Variants in CEP112 observed in about 807,000 individuals in gnomAD.
CEP112 encodes centrosomal protein of 112 kDa.
CEP112 carries 127 observed loss-of-function variants against 153.0 expected under a neutral mutation model. The observed-to-expected ratio is 0.83, with a 90% CI of 0.72 to 0.96. The LOEUF (loss-of-function observed/expected upper bound fraction) is 0.96. CEP112 is among the 40% of genes least tolerant of loss of function. The pLI, the probability that CEP112 is intolerant of heterozygous loss-of-function variation, is 0.00. For synonymous variants in CEP112, 358 were observed against 374.4 expected (o/e 0.96, Z 0.51); for missense variants, 1,089 against 1,101.2 (o/e 0.99, Z 0.16).
chr17:66,174,948 T>G (rs1193905534), intron 4 of CEP112, 96 bp downstream of exon 4: 1 of 804,822 alleles, frequency 1.2e-6, no homozygotes, highest in African/African-American at 1.8e-5. Context: ...GTAAACTACT[T>G]CCATTATAAA....
At chr17:65,672,685 A>G (rs563241747) in intron 24 of CEP112, among the ~76,000 whole-genome samples, 1 of 152,294 alleles carries the variant, frequency 6.6e-6, no homozygotes, top group Non-Finnish European at 1.5e-5. Flanking sequence ...GAAGTGGCAG[A>G]GCTGAGATCT....
chr17:66,117,577 T>C (rs950125350), intron 6 of CEP112, among the ~76,000 whole-genome samples: 2 of 152,202 alleles, frequency 1.3e-5, no homozygotes, highest in Non-Finnish European at 2.9e-5. Flanking sequence ...AACAGTTCTG[T>C]TGGTGAAACA....
intron 17 of CEP112, among the ~76,000 whole-genome samples, chr17:65,969,992 TAC>T (rs1167449358): frequency 8.5e-5 from 13 of 152,198 alleles, no homozygotes; most frequent in Non-Finnish European, 1.9e-4. Context: ...ACACGCATGT[TAC>T]ACACATATCA....
intron 12 of CEP112, among the ~76,000 whole-genome samples, chr17:66,036,111 C>T (rs1289616199): frequency 1.3e-5 from 2 of 152,164 alleles, no homozygotes; most frequent in Non-Finnish European, 2.9e-5. Flanking sequence ...ATAAGGTAGT[C>T]AAGGAGGGAC....
At chr17:66,117,155 A>G (rs1181442329) in intron 6 of CEP112, among the ~76,000 whole-genome samples, 1 of 152,022 alleles carries the variant, frequency 6.6e-6, no homozygotes, top group Admixed American at 6.6e-5. Context: ...CAATCTCCCA[A>G]AGTGCTTGGA....
chr17:65,749,175 A>C (rs1193205020), intron 22 of CEP112, among the ~76,000 whole-genome samples: 1 of 152,150 alleles, frequency 6.6e-6, no homozygotes, highest in Non-Finnish European at 1.5e-5. Flanking sequence ...ATTTGGACAA[A>C]GACTTTTTGC....
intron 21 of CEP112, among the ~76,000 whole-genome samples, chr17:65,786,097 G>A (rs1024829351): frequency 6.6e-6 from 1 of 151,918 alleles, no homozygotes; most frequent in African/African-American, 2.4e-5. Context: ...TTTTTTCATT[G>A]ATGTTTTGTA....
intron 4 of CEP112, among the ~76,000 whole-genome samples, chr17:66,164,176 T>C (rs921727055): frequency 3.9e-5 from 6 of 152,232 alleles, no homozygotes; most frequent in Non-Finnish European, 8.8e-5. Flanking sequence ...CAAGCAGTTT[T>C]CACTTCTCAT....
chr17:66,096,320 C>T lies in CEP112; in HGVS notation c.699G>A (p.Pro233=), dbSNP rs371306725. 8 of 1,612,728 alleles carry T rather than the reference C, an allele frequency of 5.0e-6. No individual in the cohort carries two copies. Among genetic ancestry groups the T allele is most frequent in the African/African-American group, 2.7e-5 (2 of 74,860 alleles). The change falls in exon 8 of 27, where the codon CCG becomes CCA. Residue 233 remains proline, a synonymous_variant. Transcript: ENST00000535342. ...QKPIPVSLMT[P]KFSLRKSSSF... ...TGCTGGATTTTCTCAGGCTGAATTT[C>T]GGTGTCATCTGCTAAATGAACAGGA...
Position 65,660,835 on chromosome 17 carries a change from G to T in CEP112, c.2698-19770C>A, listed in dbSNP as rs780110645. Among the ~76,000 whole-genome samples the T allele has an allele frequency of 4.6e-5, 7 of 152,160 alleles. No individual in the cohort carries two copies. The South Asian group carries it at 1.5e-3, about 32-fold the overall frequency. ...CTTTGGCTTCCCACAGCGCCGCCTG[G>T]CCATACCTTGATTTCTGTTACAGGA... On this transcript the variant is annotated intron_variant, in intron 24 of 26. Transcript: ENST00000535342.
At chr17:65,661,803 T>C (rs944841743) in intron 24 of CEP112, 1 of 152,184 alleles carries the variant, frequency 6.6e-6, no homozygotes, top group African/African-American at 2.4e-5. Context: ...GCTCACTTCA[T>C]CGGCATTTCA....
intron 23 of CEP112, among the ~76,000 whole-genome samples, chr17:65,696,853 C>T (rs921737059): frequency 6.6e-6 from 1 of 152,094 alleles, no homozygotes; most frequent in Non-Finnish European, 1.5e-5. Context: ...ATGAGGTCAT[C>T]ATATCCTTTC....
intron 21 of CEP112, among the ~76,000 whole-genome samples, chr17:65,774,673 G>C (rs1054628047): frequency 4.6e-5 from 7 of 152,182 alleles, no homozygotes; most frequent in Admixed American, 4.6e-4. Context: ...CAGGATCGGA[G>C]GCCCTACCCC....
intron 20 of CEP112, among the ~76,000 whole-genome samples, chr17:65,892,173 G>C (rs557368988): frequency 3.9e-5 from 6 of 152,130 alleles, no homozygotes; most frequent in Admixed American, 3.9e-4. Flanking sequence ...GATGTGAAAG[G>C]CACCTCCTAA....
At chr17:66,119,167 G>A (rs1469249312) in intron 6 of CEP112, among the ~76,000 whole-genome samples, 1 of 152,076 alleles carries the variant, frequency 6.6e-6, no homozygotes, top group Non-Finnish European at 1.5e-5. Flanking sequence ...CACAGGGAAG[G>A]GAACAACACA....
intron 22 of CEP112, among the ~76,000 whole-genome samples, chr17:65,748,144 T>C (rs2051588211): frequency 6.6e-6 from 1 of 152,240 alleles, no homozygotes; most frequent in African/African-American, 2.4e-5. Flanking sequence ...CATTGTAGAC[T>C]AATGCTTCTC....
At chr17:66,065,812 G>C (rs889625039) in intron 10 of CEP112, among the ~76,000 whole-genome samples, 14 of 151,834 alleles carry the variant, frequency 9.2e-5, no homozygotes, top group Middle Eastern at 3.2e-3. Flanking sequence ...TGTATTTTTA[G>C]TAGAGACAGG....
At chr17:66,010,263 G>A (rs4791099) in intron 16 of CEP112, among the ~76,000 whole-genome samples, 140,981 of 152,212 alleles carry the variant, frequency 0.93, 65,527 homozygotes, top group East Asian at 0.97. Context: ...CTCAGCTTGG[G>A]TGTTGCTGGT....
At chr17:66,031,483 TTTG>T (rs1201873526) in intron 12 of CEP112, among the ~76,000 whole-genome samples, 3 of 101,916 alleles carry the variant, frequency 2.9e-5, no homozygotes, top group East Asian at 8.8e-4. Context: ...GTTTTTTTTT[TTTG>T]TTTTTTTTTT....
Sources: gnomAD v4.1 joint callset for allele counts (sites outside exome capture counted in the v4.1 genomes callset) on GRCh38, gnomAD v4.1.1 for gene constraint, MANE v1.5 for transcripts, NCBI Gene and HGNC (gene_info 2026-07-23, HGNC 2026-07-21) for gene names.